The following SCOC variants were observed in gnomAD, a reference collection of about 807,000 sequenced individuals.
SCOC encodes short coiled-coil protein.
SCOC carries 7 observed loss-of-function variants against 9.9 expected under a neutral mutation model. The ratio of observed to expected loss-of-function variants is 0.71; its 90% confidence interval spans 0.40 to 1.33. The LOEUF (loss-of-function observed/expected upper bound fraction) is 1.33. Ranked by LOEUF, SCOC falls within the 40% of genes most tolerant of loss-of-function variation. SCOC has a pLI of 0.01. For missense variants in SCOC, 66 were observed against 89.7 expected, an observed-to-expected ratio of 0.74 and a Z score of 1.07; for synonymous variants, 19 against 28.2, an observed-to-expected ratio of 0.67 and a Z score of 1.03.
At chr4:140,351,325 G>A (rs908069920) in intron 2 of SCOC, among the ~76,000 whole-genome samples, 2 of 152,262 alleles carry the variant, frequency 1.3e-5, no homozygotes, top group South Asian at 4.1e-4. Context: ...AGGGGAGATG[G>A]ATATGAAGGA....
At chr4:140,277,316 G>A (rs545444153) in intron 1 of SCOC, among the ~76,000 whole-genome samples, 5 of 152,024 alleles carry the variant, frequency 3.3e-5, no homozygotes, top group South Asian at 2.1e-4. Flanking sequence ...GTATGAGTTG[G>A]GGGGGGCAGG....
upstream of SCOC, among the ~76,000 whole-genome samples, chr4:140,372,805 A>T (rs1728110936): frequency 1.3e-5 from 2 of 152,204 alleles, no homozygotes; most frequent in Admixed American, 1.3e-4. Context: ...TCTACCTTGT[A>T]CTCAACGAAT....
At chr4:140,283,248 A>G (rs922431864) in intron 1 of SCOC, among the ~76,000 whole-genome samples, 7 of 152,240 alleles carry the variant, frequency 4.6e-5, no homozygotes, top group African/African-American at 1.4e-4. Context: ...TATAAAAATT[A>G]GAGAGCAGAC....
chr4:140,357,799 T>C lies in SCOC; in HGVS notation c.70+14091T>C, dbSNP rs143889024. 1.4e-3 allele frequency among the ~76,000 whole-genome samples: 211 copies of C among 152,332 alleles called. 2 individuals are homozygous for C. Among genetic ancestry groups the C allele is most frequent in the African/African-American group, 4.8e-3 (199 of 41,570 alleles). Reference sequence around the variant, plus strand: ...ACTTTTCCTAACCCATCGTAGTTGGTATTATTTTCGTCATTCTAATAAAGA... The same window carrying C: ...ACTTTTCCTAACCCATCGTAGTTGGCATTATTTTCGTCATTCTAATAAAGA... On this transcript the variant is annotated intron_variant, in intron 2 of 4. Transcript: ENST00000338517.
intron 1 of SCOC, among the ~76,000 whole-genome samples, chr4:140,295,278 T>C (rs1462099447): frequency 6.6e-6 from 1 of 151,962 alleles, no homozygotes; most frequent in Non-Finnish European, 1.5e-5. Flanking sequence ...CTTTGGTCTA[T>C]AGGTAAGGGG....
chr4:140,372,855 C>T (rs1319956711), upstream of SCOC, among the ~76,000 whole-genome samples: 15 of 152,122 alleles, frequency 9.9e-5, no homozygotes, highest in Admixed American at 2.0e-4. Flanking sequence ...TACTAGATTA[C>T]GATGAACGGT....
At chr4:140,291,373 C>A (rs534024050) in intron 1 of SCOC, 1 of 455,824 alleles carries the variant, frequency 2.2e-6, no homozygotes, top group Non-Finnish European at 4.4e-6. Flanking sequence ...AGCCGCCTGG[C>A]TCTTCATATA....
chr4:140,271,933 C>A (rs1730853980), intron 1 of SCOC, among the ~76,000 whole-genome samples: 1 of 152,104 alleles, frequency 6.6e-6, no homozygotes, highest in African/African-American at 2.4e-5. Context: ...TGAACGGGCG[C>A]CTGTCTGTGT....
intron 2 of SCOC, among the ~76,000 whole-genome samples, chr4:140,357,572 C>T (rs940519524): frequency 6.6e-6 from 1 of 152,212 alleles, no homozygotes; most frequent in Non-Finnish European, 1.5e-5. Context: ...GTTCCTATTG[C>T]CATGTGGCTG....
At position 140,384,008 on chromosome 4, in the gene SCOC, CT is replaced by C. The variant is rs1184419896; in HGVS notation, c.*2905del. On this transcript the variant is annotated 3_prime_UTR_variant, in exon 4 of 4. Coordinates refer to ENST00000608372, the MANE Select transcript of SCOC (RefSeq NM_001153484.2). ...AAGTCTTCATGGGCTTCCCCCCAAT[CT>C]CCCCCACCTCAAAAATAATTTTGAA... The C allele has an allele frequency of 6.6e-6, 1 of 152,234 alleles. No individual in the cohort carries two copies. The highest frequency in any genetic ancestry group is 1.5e-5 in the Non-Finnish European group (1 of 68,078). 9.4% of individuals were successfully genotyped at this position (152,234 alleles called of 1,614,324 possible). A position where few individuals can be genotyped will look rare whatever the true frequency, so the allele number is the denominator to read the frequency against.
intron 1 of SCOC, among the ~76,000 whole-genome samples, chr4:140,288,946 C>G (rs981106403): frequency 3.3e-5 from 5 of 152,064 alleles, no homozygotes; most frequent in African/African-American, 9.7e-5. Context: ...ACATGCCACA[C>G]ACCACATACC....
chr4:140,378,982 A>G (rs1460485974), intron 1 of SCOC, 139 bp from the exon 2 acceptor site: 3 of 612,638 alleles, frequency 4.9e-6, no homozygotes, highest in Non-Finnish European at 8.8e-6. Context: ...TTATTTACCC[A>G]TTAGGCATTT....
At position 140,379,093 on chromosome 4, in the gene SCOC, C is replaced by G. The variant is rs755673516; in HGVS notation, c.-50-28C>G. On this transcript the variant is annotated intron_variant, in intron 1 of 3. Transcript: ENST00000608372. ...GCTTATAGTTTATTGCTGTATGTGTCTATATTTCTGAATTTTTCTTATTGT... is the reference window on the plus strand; with the variant it reads ...GCTTATAGTTTATTGCTGTATGTGTGTATATTTCTGAATTTTTCTTATTGT... 3 of 1,365,790 alleles carry G rather than the reference C, an allele frequency of 2.2e-6. No individual in the cohort carries two copies. The South Asian group carries it at 3.5e-5, about 16-fold the overall frequency. 84.6% of individuals were successfully genotyped at this position (1,365,790 alleles called of 1,614,324 possible). A position where few individuals can be genotyped will look rare whatever the true frequency, so the allele number is the denominator to read the frequency against.
chr4:140,329,816 A>G (rs1732757316), intron 1 of SCOC, among the ~76,000 whole-genome samples: 1 of 152,214 alleles, frequency 6.6e-6, no homozygotes, highest in Non-Finnish European at 1.5e-5. Context: ...GCTGGCATGG[A>G]TGTGGTGAAA....
chr4:140,308,626 C>G (rs1354523121), intron 1 of SCOC, among the ~76,000 whole-genome samples: 2 of 152,202 alleles, frequency 1.3e-5, no homozygotes, highest in East Asian at 1.9e-4. Flanking sequence ...CAGCCTGCAG[C>G]TTGCCGGCTT....
intron 1 of SCOC, among the ~76,000 whole-genome samples, chr4:140,319,264 T>C (rs111761101): frequency 0.11 from 16,752 of 152,126 alleles, 1,332 homozygotes; most frequent in African/African-American, 0.23. Flanking sequence ...GCTAATTTTA[T>C]ATTTTTAGTA....
rs1728176867 is a variant in SCOC, at chr4:140,373,703, C to T, written c.-65C>T. 6.5e-7 allele frequency: 1 copy of T among 1,548,622 alleles called. No individual in the cohort carries two copies. The highest frequency in any genetic ancestry group is 8.7e-7 in the Non-Finnish European group (1 of 1,146,840). ...TCGGCCGGATCCCTCCTTCTCCCGG[C>T]GCCTCAAGCGGAAGGTGAGGGCCGT... On this transcript the variant is annotated 5_prime_UTR_variant, in exon 1 of 4. Transcript: ENST00000608372.
intron 1 of SCOC, among the ~76,000 whole-genome samples, chr4:140,315,425 A>T (rs538377765): frequency 6.6e-6 from 1 of 152,286 alleles, no homozygotes; most frequent in South Asian, 2.1e-4. Flanking sequence ...GTGACTGGAG[A>T]TCACCCAATT....
intron 2 of SCOC, chr4:140,366,410 G>A: frequency 7.5e-7 from 1 of 1,327,498 alleles, no homozygotes; most frequent in South Asian, 1.3e-5. Flanking sequence ...AGCAGCAGCT[G>A]CAGCAGCAGT....
Sources: gnomAD v4.1 joint callset for allele counts (sites outside exome capture counted in the v4.1 genomes callset) on GRCh38, gnomAD v4.1.1 for gene constraint, MANE v1.5 for transcripts, NCBI Gene and HGNC (gene_info 2026-07-23, HGNC 2026-07-21) for gene names.